The following WDR72 variants were observed in gnomAD, a reference collection of about 807,000 sequenced individuals.
WDR72 encodes the protein WD repeat-containing protein 72.
WDR72 carries 120 observed loss-of-function variants against 124.2 expected under a neutral mutation model. The ratio of observed to expected loss-of-function variants is 0.97; its 90% CI spans 0.83 to 1.12. The LOEUF (loss-of-function observed/expected upper bound fraction) is 1.12. Among genes scored for constraint, WDR72 ranks in the 50% most tolerant of loss-of-function variants. The pLI, the probability that WDR72 is intolerant of heterozygous loss-of-function variation, is 0.00. For missense variants in WDR72, 1,387 were observed against 1,278.8 expected (o/e 1.08, Z -1.29); for synonymous variants, 452 against 441.7 (o/e 1.02, Z -0.29).
chr15:53,618,113 C>T (rs1317286196), intron 14 of WDR72, among the ~76,000 whole-genome samples: 2 of 151,944 alleles, frequency 1.3e-5, no homozygotes, highest in Non-Finnish European at 2.9e-5. Context: ...AAAGTGCCTC[C>T]ATTTGGACTA....
chr15:53,539,159 C>G (rs913642308), intron 18 of WDR72, among the ~76,000 whole-genome samples: 6 of 152,048 alleles, frequency 3.9e-5, no homozygotes, highest in Non-Finnish European at 7.4e-5. Context: ...TGACTTTTAA[C>G]TAGAAAGGCT....
At chr15:53,608,933 G>A (rs1302906283) in intron 17 of WDR72, among the ~76,000 whole-genome samples, 6 of 151,902 alleles carry the variant, frequency 3.9e-5, no homozygotes, top group Admixed American at 3.9e-4. Flanking sequence ...CCTACTATTT[G>A]ATAGCACAAC....
intron 18 of WDR72, among the ~76,000 whole-genome samples, chr15:53,567,128 A>T (rs1894329237): frequency 6.6e-6 from 1 of 152,012 alleles, no homozygotes; most frequent in African/African-American, 2.4e-5. Flanking sequence ...ACCACCTCGT[A>T]TAAATCTACA....
chr15:53,651,002 T>C (rs1160717258), intron 14 of WDR72, among the ~76,000 whole-genome samples: 1 of 150,436 alleles, frequency 6.6e-6, no homozygotes, highest in Non-Finnish European at 1.5e-5. Context: ...CTCCCTTTAA[T>C]ACTTGGAAGT....
intron 2 of WDR72, among the ~76,000 whole-genome samples, chr15:53,728,093 G>C (rs1204880186): frequency 6.6e-6 from 1 of 152,158 alleles, no homozygotes; most frequent in African/African-American, 2.4e-5. Context: ...AACTGAGACC[G>C]GGCAATTTAC....
rs1297021275 is a variant in WDR72, at chr15:53,553,682, A to C, written c.3149-30360T>G. On this transcript the variant is annotated intron_variant, in intron 18 of 19. Transcript: ENST00000360509. ...GGTGATTTTATGAGAATTTTCTAAAAATGGGAATGAACCTAAATGTGACTC... is the reference window on the plus strand; with the variant it reads ...GGTGATTTTATGAGAATTTTCTAAACATGGGAATGAACCTAAATGTGACTC... Among the ~76,000 whole-genome samples the C allele has an allele frequency of 2.6e-5, 4 of 152,274 alleles. No homozygotes were observed. In the East Asian group the frequency reaches 5.8e-4, roughly 22 times the overall value.
intron 14 of WDR72, among the ~76,000 whole-genome samples, chr15:53,630,051 A>G (rs1394455077): frequency 6.6e-6 from 1 of 150,638 alleles, no homozygotes; most frequent in African/African-American, 2.5e-5. Context: ...ATCTTACAAA[A>G]GTTTTTAAAA....
chr15:53,560,156 T>C (rs1393695732), intron 18 of WDR72, among the ~76,000 whole-genome samples: 1 of 151,874 alleles, frequency 6.6e-6, no homozygotes, highest in Non-Finnish European at 1.5e-5. Flanking sequence ...AGCTAGATGA[T>C]GAAAAGCTGT....
chr15:53,665,880 T>A, intron 13 of WDR72, 112 bp from the exon 14 acceptor site: 1 of 1,070,768 alleles, frequency 9.3e-7, no homozygotes, highest in Non-Finnish European at 1.4e-6. Flanking sequence ...TTATCGTGCC[T>A]TAGTATCTTG....
rs1441368455 is a variant in WDR72, at chr15:53,615,668, C to T, written c.2538G>A (p.Trp846Ter). 3.7e-6 allele frequency: 6 copies of T among 1,611,536 alleles called. No individual in the cohort carries two copies. The highest frequency in any genetic ancestry group is 5.1e-6 in the Non-Finnish European group (6 of 1,178,666). The change falls in exon 15 of 20, where the codon TGG becomes TGA. Residue 846 changes from tryptophan (W) to a stop codon, truncating the protein, a stop_gained. Transcript: ENST00000360509. LOFTEE classifies it high-confidence loss of function. ...EDNFSLMLPG[W>*]DLCNSGMIKD... ...TTATCATTCCACTATTGCATAAATC[C>T]CAACCTGGCAACATCAGTGAGAAAT...
intron 18 of WDR72, among the ~76,000 whole-genome samples, chr15:53,570,746 A>G (rs761203286): frequency 6.6e-6 from 1 of 152,118 alleles, no homozygotes; most frequent in Non-Finnish European, 1.5e-5. Context: ...TACCCAAAGG[A>G]AAATAAACTG....
intron 14 of WDR72, among the ~76,000 whole-genome samples, chr15:53,653,450 G>A (rs1178480570): frequency 6.6e-6 from 1 of 152,178 alleles, no homozygotes; most frequent in African/African-American, 2.4e-5. Context: ...AGTTAGACTT[G>A]AAGGTATAGA....
chr15:53,549,714 G>A (rs1228854551), intron 18 of WDR72, among the ~76,000 whole-genome samples: 1 of 152,066 alleles, frequency 6.6e-6, no homozygotes, highest in African/African-American at 2.4e-5. Context: ...GGTCACGTAG[G>A]CTTTGGTTTT....
At chr15:53,652,463 G>C (rs375285252) in intron 14 of WDR72, among the ~76,000 whole-genome samples, 2 of 152,116 alleles carry the variant, frequency 1.3e-5, no homozygotes, top group African/African-American at 2.4e-5. Context: ...TTGCTACTTG[G>C]GGGATACAGA....
At chr15:53,712,422 C>A (rs1237281090) in intron 7 of WDR72, among the ~76,000 whole-genome samples, 1 of 152,030 alleles carries the variant, frequency 6.6e-6, no homozygotes, top group East Asian at 1.9e-4. Flanking sequence ...ATGGTGAAAC[C>A]CGGTCTCTCC....
At chr15:53,563,330 CTGAG>C (rs1165434675) in intron 18 of WDR72, among the ~76,000 whole-genome samples, 2 of 151,758 alleles carry the variant, frequency 1.3e-5, no homozygotes, top group Non-Finnish European at 2.9e-5. Flanking sequence ...TCTACCTGGA[CTGAG>C]TAAAATTTAA....
At chr15:53,735,051 T>C (rs1022787317) in intron 1 of WDR72, among the ~76,000 whole-genome samples, 7 of 152,002 alleles carry the variant, frequency 4.6e-5, no homozygotes, top group African/African-American at 1.7e-4. Flanking sequence ...CACAGCACTT[T>C]GGGAGGCCGA....
chr15:53,718,803 TA>T (rs1259356479), intron 3 of WDR72, among the ~76,000 whole-genome samples: 1 of 135,982 alleles, frequency 7.4e-6, no homozygotes, highest in East Asian at 2.1e-4. Flanking sequence ...TTAAAAATTT[TA>T]AAAACCTTAA....
chr15:53,656,300 T>C (rs966578977), intron 14 of WDR72, among the ~76,000 whole-genome samples: 1 of 152,218 alleles, frequency 6.6e-6, no homozygotes, highest in African/African-American at 2.4e-5. Flanking sequence ...AGAGAACTGG[T>C]GGTGCCTTCA....
Sources: allele counts gnomAD v4.1 joint callset (sites outside exome capture counted in the v4.1 genomes callset), GRCh38; gene constraint gnomAD v4.1.1; transcripts MANE v1.5; gene names NCBI Gene and HGNC (gene_info 2026-07-23, HGNC 2026-07-21).